CREB3: variants seen among roughly 807,000 people sequenced by gnomAD.
CREB3 encodes cyclic AMP-responsive element-binding protein 3.
Under a neutral mutation model 34.5 loss-of-function variants are expected in CREB3, and 29 were observed. The observed-to-expected ratio is 0.84, with a 90% CI of 0.63 to 1.15. The LOEUF is 1.15. Ranked by LOEUF, CREB3 falls within the 50% of genes most tolerant of loss-of-function variation. The pLI is 0.00. For missense variants in CREB3, 447 were observed against 443.4 expected, an observed-to-expected ratio of 1.01 and a Z score of -0.07; for synonymous variants, 187 against 173.9, an observed-to-expected ratio of 1.08 and a Z score of -0.59.
At position 35,736,751 on chromosome 9, in the gene CREB3, A is replaced by C. The variant is rs1163806777; in HGVS notation, c.*25A>C. 6.3e-7 allele frequency: 1 copy of C among 1,575,412 alleles called. No homozygotes were observed. Among genetic ancestry groups the C allele is most frequent in the South Asian group, 1.1e-5 (1 of 88,790 alleles). On this transcript the variant is annotated 3_prime_UTR_variant, in exon 9 of 9. Transcript: ENST00000353704. ...GATATGAGGATATGTGGGGGGTCTC[A>C]GCAGGAGCCTGGGGGGCTCCCCATC...
rs779704350 is a variant in CREB3, at chr9:35,735,149, G to A, written c.476G>A (p.Arg159Gln). The change falls in exon 5 of 9, where the codon CGA becomes CAA. Residue 159 changes from arginine to glutamine, a missense_variant. By Grantham distance (43) the Arg-to-Gln change is conservative (BLOSUM62 1). Transcript: ENST00000353704. ...CTGAAACGTGTGCGGAGGAAGATTC[G>A]AAATAAAAGATCTGCTCAAGAGAGC... is the stretch of plus-strand genomic sequence containing the variant. ...QILKRVRRKI[R>Q]NKRSAQESRR... 15 of 1,602,544 alleles carry A rather than the reference G, an allele frequency of 9.4e-6. No homozygotes were observed. The highest frequency in any genetic ancestry group is 6.8e-5 in the South Asian group (6 of 88,216).
Position 35,735,175 on chromosome 9 carries a change from C to T in CREB3, c.502C>T (p.Arg168Cys), listed in dbSNP as rs780844421. 25 of 1,602,568 alleles carry T rather than the reference C, an allele frequency of 1.6e-5. 1 individual carries two copies. The highest frequency in any genetic ancestry group is 5.6e-5 in the South Asian group (5 of 88,514). ...IRNKRSAQES[R>C]RKKKVYVGGL... ...AAATAAAAGATCTGCTCAAGAGAGCCGCAGGAAAAAGAAGGTGTATGTTGG... is the reference window on the plus strand; with the variant it reads ...AAATAAAAGATCTGCTCAAGAGAGCTGCAGGAAAAAGAAGGTGTATGTTGG... Residue 168 changes from arginine to cysteine, a missense_variant, in exon 5 of 9, where the codon CGC becomes TGC. Physicochemically the swap from Arg to Cys is radical, Grantham distance 180 (BLOSUM62 -3). Transcript: ENST00000353704.
In CREB3 at chr9:35,735,216, G is replaced by A; in HGVS notation, c.542+1G>A. 6.2e-7 allele frequency: 1 copy of A among 1,612,700 alleles called. No homozygotes were observed. Among genetic ancestry groups the A allele is most frequent in the East Asian group, 2.2e-5 (1 of 44,870 alleles). On this transcript the variant is annotated splice_donor_variant, in intron 5 of 8. Transcript: ENST00000353704. LOFTEE classifies it high-confidence loss of function. The stretch of plus-strand genomic sequence containing the variant: ...TGTATGTTGGGGGTTTAGAGAGCAG[G>A]TATGAAAGGGAGAGGGACTCTGTTG...
At position 35,736,562 on chromosome 9, in the gene CREB3, G is replaced by T; in HGVS notation, c.952G>T (p.Ala318Ser). The T allele has an allele frequency of 6.2e-7, 1 of 1,614,138 alleles. No homozygotes were observed. The highest frequency in any genetic ancestry group is 1.1e-5 in the South Asian group (1 of 91,086). Reference protein sequence around the residue: ...TSCLLHYMPQAPSAEPPLEWP... With the variant: ...TSCLLHYMPQSPSAEPPLEWP... ...CTGCCTGCTGCATTACATGCCTCAG[G>T]CTCCCAGTGCAGAGCCTCCCCTGGA... is the stretch of plus-strand genomic sequence containing the variant. The change falls in exon 9 of 9, where the codon GCT becomes TCT. Residue 318 changes from alanine (A) to serine (S), a missense_variant. Transcript: ENST00000353704.
Position 35,736,133 on chromosome 9 carries a change from G to A in CREB3, c.696+1G>A. 1 of 1,613,896 alleles carries A rather than the reference G, an allele frequency of 6.2e-7. No homozygotes were observed. Among genetic ancestry groups the A allele is most frequent in the Non-Finnish European group, 8.5e-7 (1 of 1,179,752 alleles). On this transcript the variant is annotated splice_donor_variant, in intron 7 of 8. Coordinates refer to ENST00000353704, the MANE Select transcript of CREB3 (RefSeq NM_006368.5). LOFTEE classifies it high-confidence loss of function. Reference sequence around the variant, plus strand: ...CAGCAGCAGCAGCACCTGCATCTTGGTGAGGATGGTGATGAGGGGAGAAAT... The same window carrying A: ...CAGCAGCAGCAGCACCTGCATCTTGATGAGGATGGTGATGAGGGGAGAAAT...
chr9:35,733,884 G>A (rs1441888629), intron 4 of CREB3, among the ~76,000 whole-genome samples: 2 of 152,118 alleles, frequency 1.3e-5, no homozygotes, highest in Admixed American at 1.3e-4. Flanking sequence ...AAAATCCTTA[G>A]TTTTCAGTTT....
chr9:35,735,912 C>T (rs1448796663), intron 6 of CREB3, 136 bp from the exon 7 acceptor site: 5 of 676,674 alleles, frequency 7.4e-6, no homozygotes, highest in Admixed American at 2.6e-5. Context: ...AGGAAGAAGT[C>T]GTTTGCAAAA....
At chr9:35,735,951 A>C in intron 6 of CREB3, 97 bp from the exon 7 acceptor site, 2 of 856,358 alleles carry the variant, frequency 2.3e-6, no homozygotes, top group Non-Finnish European at 3.9e-6. Flanking sequence ...GAGAGGATCC[A>C]GTGCAGAGAT....
At position 35,735,463 on chromosome 9, in the gene CREB3, G is replaced by C. The variant is rs1826183375; in HGVS notation, c.611+89G>C. The C allele has an allele frequency of 4.1e-6, 5 of 1,206,584 alleles. No homozygotes were observed. The South Asian group carries it at 4.9e-5, about 12-fold the overall frequency. 74.7% of individuals were successfully genotyped at this position (1,206,584 alleles called of 1,614,324 possible). A position where few individuals can be genotyped will look rare whatever the true frequency, so the allele number is the denominator to read the frequency against. Reference sequence around the variant, plus strand: ...CCTGCCCTACACTTGATTTCTAACTGGGCAGCTGCCTTCACTAGGTCTCTG... The same window carrying C: ...CCTGCCCTACACTTGATTTCTAACTCGGCAGCTGCCTTCACTAGGTCTCTG... On this transcript the variant is annotated intron_variant, in intron 6 of 8. Coordinates refer to ENST00000353704, the MANE Select transcript of CREB3 (RefSeq NM_006368.5).
chr9:35,732,971 G>T lies in CREB3; in HGVS notation c.130-25G>T, dbSNP rs770203937. ...GTCAGGTGATGGTGATAAGGTCAAG[G>T]CCTGTTCATTGGAACCCTGCGCAGG... On this transcript the variant is annotated intron_variant, in intron 1 of 8. Transcript: ENST00000353704. The surrounding 1 kb of genome is among the most constrained non-coding windows in gnomAD (Gnocchi z 5.1). 4 of 1,613,812 alleles carry T rather than the reference G, an allele frequency of 2.5e-6. No individual in the cohort carries two copies. The highest frequency in any genetic ancestry group is 3.4e-6 in the Non-Finnish European group (4 of 1,179,808).
chr9:35,734,341 T>C (rs1414071219), intron 4 of CREB3, among the ~76,000 whole-genome samples: 1 of 152,182 alleles, frequency 6.6e-6, no homozygotes, highest in African/African-American at 2.4e-5. Flanking sequence ...ATAGAGTTAT[T>C]GTCTCTACAA....
chr9:35,736,452 C>T lies in CREB3; in HGVS notation c.842C>T (p.Ala281Val), dbSNP rs1454074711. Residue 281 changes from alanine to valine, a missense_variant, in exon 9 of 9, where the codon GCC (alanine) becomes GTC (valine). Coordinates refer to ENST00000353704, the MANE Select transcript of CREB3 (RefSeq NM_006368.5). Reference sequence around the variant, plus strand: ...GACCCTTACCAGCTGGAGCTGCCTGCCCTGCAGTCAGAAGTGCCGAAAGAC... The same window carrying T: ...GACCCTTACCAGCTGGAGCTGCCTGTCCTGCAGTCAGAAGTGCCGAAAGAC... ...SEDPYQLELPALQSEVPKDST... is the reference protein window; with the variant it reads ...SEDPYQLELPVLQSEVPKDST... 3.7e-6 allele frequency: 6 copies of T among 1,614,156 alleles called. No homozygotes were observed. Among genetic ancestry groups the T allele is most frequent in the South Asian group, 1.1e-5 (1 of 91,082 alleles).
In CREB3 at chr9:35,736,313, T is replaced by C; in HGVS notation, c.781+2T>C. 6.2e-7 allele frequency: 1 copy of C among 1,613,872 alleles called. No homozygotes were observed. Among genetic ancestry groups the C allele is most frequent in the Non-Finnish European group, 8.5e-7 (1 of 1,179,916 alleles). ...GGAGCCTGCCAGCTGAGCATGGAGGTAAGAGGCTTAAGGATAGCTCTCAGA... is the reference window on the plus strand; with the variant it reads ...GGAGCCTGCCAGCTGAGCATGGAGGCAAGAGGCTTAAGGATAGCTCTCAGA... On this transcript the variant is annotated splice_donor_variant, in intron 8 of 8. Coordinates refer to ENST00000353704, the MANE Select transcript of CREB3 (RefSeq NM_006368.5). LOFTEE classifies it high-confidence loss of function.
Position 35,736,273 on chromosome 9 carries a change from C to T in CREB3, c.743C>T (p.Ser248Phe). 1.2e-6 allele frequency: 2 copies of T among 1,614,132 alleles called. No homozygotes were observed. The highest frequency in any genetic ancestry group is 1.7e-6 in the Non-Finnish European group (2 of 1,180,004). The change falls in exon 8 of 9, where the codon TCC (serine) becomes TTC (phenylalanine). Residue 248 changes from serine (S) to phenylalanine (F), a missense_variant. Transcript: ENST00000353704. Reference protein sequence around the residue: ...FCLLLVPAMYSSDTRGSLPAE... With the variant: ...FCLLLVPAMYFSDTRGSLPAE... Reference sequence around the variant, plus strand: ...CTCCTCCTTGTACCTGCTATGTACTCCTCTGACACAAGGGGGAGCCTGCCA... The same window carrying T: ...CTCCTCCTTGTACCTGCTATGTACTTCTCTGACACAAGGGGGAGCCTGCCA...
intron 6 of CREB3, 35 bp from the exon 7 acceptor site, chr9:35,736,013 G>C (rs369149771): frequency 1.4e-5 from 21 of 1,533,066 alleles, no homozygotes; most frequent in Non-Finnish European, 1.8e-5. Flanking sequence ...TGCTAGGCCA[G>C]GGGATGCTCA....
chr9:35,733,699 G>A (rs980916011), intron 4 of CREB3, among the ~76,000 whole-genome samples: 2 of 147,206 alleles, frequency 1.4e-5, no homozygotes, highest in Admixed American at 6.9e-5. Context: ...TTGGTGTTCT[G>A]TTAAAAAAAT....
intron 6 of CREB3, among the ~76,000 whole-genome samples, 193 bp from the exon 7 acceptor site, chr9:35,735,852 TTTG>T (rs140460839): frequency 2.0e-4 from 30 of 152,186 alleles, no homozygotes; most frequent in East Asian, 3.9e-4. Context: ...GTTTTTGCTT[TTTG>T]TTGTTGTTGT....
Position 35,735,194 on chromosome 9 carries a change from A to C in CREB3, c.521A>C (p.Tyr174Ser). Reference sequence around the variant, plus strand: ...GAGAGCCGCAGGAAAAAGAAGGTGTATGTTGGGGGTTTAGAGAGCAGGTAT... The same window carrying C: ...GAGAGCCGCAGGAAAAAGAAGGTGTCTGTTGGGGGTTTAGAGAGCAGGTAT... ...AQESRRKKKV[Y>S]VGGLESRVLK... Residue 174 changes from tyrosine (Y) to serine (S), a missense_variant, in exon 5 of 9, where the codon TAT (tyrosine) becomes TCT (serine). Physicochemically the swap from Tyr to Ser is moderately radical, Grantham distance 144. Transcript: ENST00000353704. 1 of 1,609,702 alleles carries C rather than the reference A, an allele frequency of 6.2e-7. No individual in the cohort carries two copies. Among genetic ancestry groups the C allele is most frequent in the Non-Finnish European group, 8.5e-7 (1 of 1,178,892 alleles).
At chr9:35,734,022 G>A (rs1469887393) in intron 4 of CREB3, among the ~76,000 whole-genome samples, 4 of 152,132 alleles carry the variant, frequency 2.6e-5, no homozygotes, top group Non-Finnish European at 5.9e-5. Context: ...TGCCCAGGCT[G>A]GAGTGCACTG....
Sources: allele counts gnomAD v4.1 joint callset (sites outside exome capture counted in the v4.1 genomes callset), GRCh38; gene constraint gnomAD v4.1.1; non-coding constraint Gnocchi (gnomAD v3.1); transcripts MANE v1.5; gene names NCBI Gene and HGNC (gene_info 2026-07-23, HGNC 2026-07-21).